CSTF3: variants seen among roughly 807,000 people sequenced by gnomAD.
The protein encoded by CSTF3 is CF-1 77 kDa subunit.
In CSTF3, 29 loss-of-function variants were observed where a neutral mutation model predicts 105.8. The observed-to-expected ratio is 0.27, with a 90% CI of 0.20 to 0.37. The LOEUF is 0.37. CSTF3 is among the 10% of genes least tolerant of loss of function. The pLI is 1.00. For missense variants in CSTF3, 357 were observed against 879.3 expected (o/e 0.41, Z 7.51); for synonymous variants, 252 against 281.9 (o/e 0.89, Z 1.06).
chr11:33,098,319 G>T (rs990132708), intron 13 of CSTF3, among the ~76,000 whole-genome samples: 8 of 152,134 alleles, frequency 5.3e-5, no homozygotes, highest in Non-Finnish European at 1.2e-4. Flanking sequence ...TATCTATTAA[G>T]CAACAATTCT....
intron 3 of CSTF3, among the ~76,000 whole-genome samples, chr11:33,122,319 T>G (rs1429742633): frequency 6.6e-6 from 1 of 152,204 alleles, no homozygotes; most frequent in Non-Finnish European, 1.5e-5. Flanking sequence ...TTTTGATATC[T>G]CTATATACAT....
At chr11:33,147,467 T>C (rs914650649) in intron 1 of CSTF3, among the ~76,000 whole-genome samples, 1 of 151,740 alleles carries the variant, frequency 6.6e-6, no homozygotes, top group Admixed American at 6.6e-5. Flanking sequence ...TGGTGGTGCG[T>C]GCCTGTAGTC....
intron 3 of CSTF3, among the ~76,000 whole-genome samples, chr11:33,109,558 C>G (rs777647186): frequency 6.6e-6 from 1 of 152,198 alleles, no homozygotes; most frequent in African/African-American, 2.4e-5. Flanking sequence ...ATCTGGCTAT[C>G]TACTTAACCT....
chr11:33,106,163 G>T, intron 5 of CSTF3, 99 bp from the exon 6 acceptor site: 1 of 826,658 alleles, frequency 1.2e-6, no homozygotes. Flanking sequence ...TAATCCCACT[G>T]CTTTGGGAGG....
At chr11:33,115,802 G>A (rs1220178276) in intron 3 of CSTF3, among the ~76,000 whole-genome samples, 2 of 152,290 alleles carry the variant, frequency 1.3e-5, no homozygotes, top group Non-Finnish European at 2.9e-5. Flanking sequence ...AATGCCAGGT[G>A]TAGTAGTTCA....
At position 33,099,489 on chromosome 11, in the gene CSTF3, T is replaced by TA. The variant is rs1276448738; in HGVS notation, c.936+118dup. On this transcript the variant is annotated intron_variant, in intron 11 of 20. Coordinates refer to ENST00000323959, the MANE Select transcript of CSTF3 (RefSeq NM_001326.3). This position sits in a 1 kb window ranked among gnomAD's most constrained non-coding sequence, Gnocchi z 4.1. ...AGTGTCACTAAGATTCATATGAACG[T>TA]AAACTTAAATTTTCAATACTTATGC... The TA allele has an allele frequency of 1.3e-6, 1 of 741,982 alleles. No individual in the cohort carries two copies. Among genetic ancestry groups the TA allele is most frequent in the Non-Finnish European group, 2.2e-6 (1 of 451,764 alleles). The allele number at this position is 741,982 out of a possible 1,614,324, so 46.0% of individuals were successfully genotyped here. A position where few individuals can be genotyped will look rare whatever the true frequency, so the allele number is the denominator to read the frequency against.
intron 8 of CSTF3, 152 bp from the exon 9 acceptor site, chr11:33,103,336 GA>G: frequency 1.6e-5 from 7 of 438,566 alleles, no homozygotes; most frequent in East Asian, 3.9e-5. Flanking sequence ...GAAAAGCAGG[GA>G]AAAAAGGTTC....
intron 3 of CSTF3, among the ~76,000 whole-genome samples, chr11:33,111,458 AATCT>A (rs1565007842): frequency 1.3e-5 from 2 of 152,150 alleles, no homozygotes; most frequent in East Asian, 1.9e-4. Context: ...AAATTTATAT[AATCT>A]ATCTTTATAA....
intron 3 of CSTF3, among the ~76,000 whole-genome samples, chr11:33,123,312 G>A (rs986271659): frequency 2.0e-5 from 3 of 152,080 alleles, no homozygotes; most frequent in Non-Finnish European, 4.4e-5. Context: ...ACCACACTGA[G>A]AGGACCATTT....
chr11:33,103,998 A>C (rs763746317), intron 8 of CSTF3, among the ~76,000 whole-genome samples: 2 of 152,048 alleles, frequency 1.3e-5, no homozygotes, highest in Non-Finnish European at 2.9e-5. Flanking sequence ...TAATTAAAAA[A>C]ATTTTTTTTG....
chr11:33,112,099 C>T (rs1278404359), intron 3 of CSTF3, among the ~76,000 whole-genome samples: 1 of 151,942 alleles, frequency 6.6e-6, no homozygotes, highest in Non-Finnish European at 1.5e-5. Context: ...ACTAAAAATA[C>T]AAAAATTAGC....
At position 33,087,085 on chromosome 11, in the gene CSTF3, A is replaced by G. The variant is rs1163047477; in HGVS notation, c.1698T>C (p.Ser566=). 2 of 1,614,184 alleles carry G rather than the reference A, an allele frequency of 1.2e-6. No homozygotes were observed. The highest frequency in any genetic ancestry group is 3.3e-5 in the Admixed American group (2 of 60,022). Residue 566 remains serine, a synonymous_variant, in exon 18 of 21, where the codon TCT becomes TCC. Coordinates refer to ENST00000323959, the MANE Select transcript of CSTF3 (RefSeq NM_001326.3). ...AIIPDPVVAP[S]IVPVLKDEVD... is the part of the protein sequence containing the mutation. The stretch of plus-strand genomic sequence containing the variant: ...CTTCATCTTTCAGAACAGGCACTAT[A>G]GAAGGAGCTACAACTGGGTCCGGAA...
At chr11:33,097,621 C>T (rs1332037085) in intron 13 of CSTF3, among the ~76,000 whole-genome samples, 2 of 152,224 alleles carry the variant, frequency 1.3e-5, no homozygotes, top group Non-Finnish European at 2.9e-5. Flanking sequence ...CCTGCCTCGA[C>T]CTCCCAAAGT....
At chr11:33,156,127 A>C (rs781525651) in intron 1 of CSTF3, among the ~76,000 whole-genome samples, 53 of 152,246 alleles carry the variant, frequency 3.5e-4, no homozygotes, top group Non-Finnish European at 6.3e-4. Context: ...ATAATGCTCC[A>C]GTTTCCTAAG....
chr11:33,152,873 G>A lies in CSTF3; in HGVS notation c.27+8426C>T, dbSNP rs541229490. Among the ~76,000 whole-genome samples the A allele has an allele frequency of 5.3e-5, 8 of 151,956 alleles. 1 individual carries two copies. The South Asian group carries it at 1.0e-3, about 20-fold the overall frequency. On this transcript the variant is annotated intron_variant, in intron 1 of 20. Transcript: ENST00000323959. ...CTTGGGAAGGTGAGGCAGGAGAATCGCTTGAACCCGGGAGGTGGAGGTTGC... is the reference window on the plus strand; with the variant it reads ...CTTGGGAAGGTGAGGCAGGAGAATCACTTGAACCCGGGAGGTGGAGGTTGC...
chr11:33,134,831 G>GT (rs1855636261), intron 3 of CSTF3, among the ~76,000 whole-genome samples: 1 of 152,074 alleles, frequency 6.6e-6, no homozygotes, highest in Admixed American at 6.6e-5. Context: ...CCTGACTATA[G>GT]TAAGTTAGAA....
At chr11:33,125,728 C>T (rs1458033738) in intron 3 of CSTF3, among the ~76,000 whole-genome samples, 2 of 152,112 alleles carry the variant, frequency 1.3e-5, no homozygotes, top group Non-Finnish European at 2.9e-5. Flanking sequence ...CTTGGGCAGG[C>T]CTTGGGTTTT....
intron 1 of CSTF3, among the ~76,000 whole-genome samples, chr11:33,148,131 T>C (rs1187987972): frequency 6.6e-6 from 1 of 152,068 alleles, no homozygotes; most frequent in Non-Finnish European, 1.5e-5. Context: ...ATATAATCTG[T>C]AAAAGAGACC....
intron 1 of CSTF3, among the ~76,000 whole-genome samples, chr11:33,159,215 G>A (rs1849904797): frequency 1.3e-5 from 2 of 151,948 alleles, no homozygotes; most frequent in Non-Finnish European, 2.9e-5. Flanking sequence ...CCCAACACTT[G>A]GGGACACTGA....
Sources: allele counts gnomAD v4.1 joint callset (sites outside exome capture counted in the v4.1 genomes callset), GRCh38; gene constraint gnomAD v4.1.1; non-coding constraint Gnocchi (gnomAD v3.1); transcripts MANE v1.5; gene names NCBI Gene and HGNC (gene_info 2026-07-23, HGNC 2026-07-21).